OSBPL10: variants seen among roughly 807,000 people sequenced by gnomAD.
OSBPL10 encodes the protein oxysterol-binding protein-related protein 10.
A neutral mutation model predicts 81.7 loss-of-function variants in OSBPL10; 49 were observed. The ratio of observed to expected loss-of-function variants is 0.60; its 90% confidence interval spans 0.48 to 0.76. OSBPL10 has a LOEUF of 0.76. OSBPL10 is among the 30% of genes least tolerant of loss of function. The pLI, the probability that OSBPL10 is intolerant of heterozygous loss-of-function variation, is 0.00. For synonymous variants in OSBPL10, 419 were observed against 383.6 expected, an observed-to-expected ratio of 1.09 and a Z score of -1.08; for missense variants, 923 against 987.8, an observed-to-expected ratio of 0.93 and a Z score of 0.88.
chr3:31,733,094 C>A, intron 6 of OSBPL10, 163 bp downstream of exon 6: 1 of 875,312 alleles, frequency 1.1e-6, no homozygotes, highest in Admixed American at 3.1e-5. Context: ...ATGAGAAGTG[C>A]CGGGCATGCA....
intron 3 of OSBPL10, among the ~76,000 whole-genome samples, 170 bp downstream of exon 3, chr3:31,876,260 TTAC>T (rs1447958752): frequency 2.0e-5 from 3 of 152,214 alleles, no homozygotes; most frequent in African/African-American, 4.8e-5. Context: ...CAAGAAAATC[TTAC>T]TACATTTCTC....
At chr3:31,784,502 C>T (rs1298381433) in intron 4 of OSBPL10, among the ~76,000 whole-genome samples, 1 of 152,164 alleles carries the variant, frequency 6.6e-6, no homozygotes, top group Non-Finnish European at 1.5e-5. Flanking sequence ...TAATCACAAT[C>T]ATAAATATGC....
intron 2 of OSBPL10, among the ~76,000 whole-genome samples, chr3:31,992,009 A>G (rs1699037111): frequency 6.6e-6 from 1 of 151,986 alleles, no homozygotes; most frequent in Admixed American, 6.6e-5. Context: ...AGCCAGGCGT[A>G]GTGGCACGCA....
chr3:31,965,682 ATT>A (rs1698348927), intron 1 of OSBPL10, among the ~76,000 whole-genome samples: 1 of 48,758 alleles, frequency 2.1e-5, no homozygotes, highest in Non-Finnish European at 2.9e-5. Context: ...TATAATATAT[ATT>A]ATATAAAATA....
intron 6 of OSBPL10, among the ~76,000 whole-genome samples, chr3:31,729,579 C>A (rs1696903958): frequency 6.6e-6 from 1 of 152,168 alleles, no homozygotes; most frequent in African/African-American, 2.4e-5. Flanking sequence ...CGCCACCACG[C>A]CCAGCTCATT....
intron 1 of OSBPL10, among the ~76,000 whole-genome samples, chr3:31,903,981 G>A (rs1392106315): frequency 6.6e-6 from 1 of 152,162 alleles, no homozygotes; most frequent in Non-Finnish European, 1.5e-5. Flanking sequence ...AAAGGATTCT[G>A]TGGGCAGCTA....
chr3:31,733,454 A>G (rs925391179), intron 5 of OSBPL10, 43 bp from the exon 6 acceptor site: 1 of 1,611,144 alleles, frequency 6.2e-7, no homozygotes. Context: ...TTTCCAAATT[A>G]AACATTTATA....
chr3:31,880,567 A>G (rs1267907367), intron 1 of OSBPL10, among the ~76,000 whole-genome samples: 1 of 152,208 alleles, frequency 6.6e-6, no homozygotes, highest in Non-Finnish European at 1.5e-5. Context: ...CTTCTCCACC[A>G]GGAGGGAAAT....
intron 7 of OSBPL10, among the ~76,000 whole-genome samples, chr3:31,692,364 C>T (rs532453149): frequency 3.5e-4 from 53 of 152,240 alleles, no homozygotes; most frequent in Non-Finnish European, 5.6e-4. Context: ...ATCCAGGAAA[C>T]GCTCATTCTT....
intron 4 of OSBPL10, among the ~76,000 whole-genome samples, chr3:31,828,919 TTTTC>T (rs761155711): frequency 6.6e-6 from 1 of 152,178 alleles, no homozygotes. Flanking sequence ...ACTCTCTACT[TTTTC>T]TTTATTAGGC....
At chr3:31,729,811 C>T (rs1268456639) in intron 6 of OSBPL10, among the ~76,000 whole-genome samples, 4 of 152,170 alleles carry the variant, frequency 2.6e-5, no homozygotes, top group African/African-American at 7.2e-5. Flanking sequence ...AACAGATTCC[C>T]GCACCCAGGT....
Position 31,683,955 on chromosome 3 carries a change from C to T in OSBPL10, c.1405G>A (p.Gly469Ser). 2 of 1,614,212 alleles carry T rather than the reference C, an allele frequency of 1.2e-6. No homozygotes were observed. Among genetic ancestry groups the T allele is most frequent in the Non-Finnish European group, 1.7e-6 (2 of 1,180,048 alleles). ...VEYYLTAFHEGRKGALAKKPY... is the reference protein window; with the variant it reads ...VEYYLTAFHESRKGALAKKPY... ...TTCTTGGCTAAAGCGCCCTTGCGGC[C>T]CTCGTGAAAGGCTGTGAGATAATAC... Residue 469 changes from glycine to serine, a missense_variant, in exon 8 of 12, where the codon GGC becomes AGC. Around this residue, in one of 3 missense-constraint regions of OSBPL10, gnomAD observed 387 missense variants for 436.3 expected, o/e 0.89. Transcript: ENST00000396556.
In OSBPL10 at chr3:31,914,423, C is replaced by T. The variant is rs376877271; in HGVS notation, c.282-34593G>A. Among the ~76,000 whole-genome samples, 21 of 152,298 alleles carry T rather than the reference C, an allele frequency of 1.4e-4. 1 individual carries two copies. In the South Asian group the frequency reaches 3.9e-3, roughly 29 times the overall value. ...CAGAGTCTGTAAATATGCTTGTATT[C>T]ATTATGCAGCTCCAGAAGGATATGG... is the stretch of plus-strand genomic sequence containing the variant. On this transcript the variant is annotated intron_variant, in intron 1 of 11. Transcript: ENST00000396556.
At chr3:32,006,851 C>T (rs1001119364) in intron 2 of OSBPL10, among the ~76,000 whole-genome samples, 6 of 152,160 alleles carry the variant, frequency 3.9e-5, no homozygotes, top group African/African-American at 9.7e-5. Context: ...GGAGTCTAGT[C>T]GTCCTTCTTG....
intron 4 of OSBPL10, among the ~76,000 whole-genome samples, chr3:31,816,730 G>C (rs533017893): frequency 6.6e-6 from 1 of 152,126 alleles, no homozygotes; most frequent in African/African-American, 2.4e-5. Flanking sequence ...TGAACAAGAC[G>C]AAGATGAGCT....
At chr3:31,789,707 G>A (rs1489068925) in intron 4 of OSBPL10, among the ~76,000 whole-genome samples, 5 of 152,194 alleles carry the variant, frequency 3.3e-5, no homozygotes, top group Non-Finnish European at 5.9e-5. Flanking sequence ...CATAGGCAAC[G>A]GAGGCCAGGC....
chr3:31,886,043 G>C (rs149753553), intron 1 of OSBPL10, among the ~76,000 whole-genome samples: 1 of 148,298 alleles, frequency 6.7e-6, no homozygotes, highest in Non-Finnish European at 1.5e-5. Context: ...AGAAGGAGAT[G>C]GGGGGTGGGG....
At chr3:31,682,180 C>A (rs575879567) in intron 8 of OSBPL10, among the ~76,000 whole-genome samples, 7 of 152,190 alleles carry the variant, frequency 4.6e-5, no homozygotes, top group Non-Finnish European at 1.0e-4. Context: ...GTTATTCTCA[C>A]AACCTCCTCC....
At chr3:31,715,885 G>A (rs980172970) in intron 6 of OSBPL10, among the ~76,000 whole-genome samples, 3 of 152,132 alleles carry the variant, frequency 2.0e-5, no homozygotes, top group African/African-American at 4.8e-5. Context: ...TAAAGTCGAC[G>A]GTACCACATC....
Sources: allele counts gnomAD v4.1 joint callset (sites outside exome capture counted in the v4.1 genomes callset), GRCh38; gene constraint gnomAD v4.1.1; regional missense constraint gnomAD v4.1.1; transcripts MANE v1.5; gene names NCBI Gene and HGNC (gene_info 2026-07-23, HGNC 2026-07-21).